QRICH1: variants seen among roughly 807,000 people sequenced by gnomAD.
QRICH1 encodes the protein glutamine rich 1.
QRICH1 carries 16 observed loss-of-function variants against 87.1 expected under a neutral mutation model. The ratio of observed to expected loss-of-function variants is 0.18; its 90% CI spans 0.12 to 0.28. QRICH1 has a LOEUF of 0.28. Among genes scored for constraint, QRICH1 ranks in the 10% least tolerant of loss-of-function variants. QRICH1 has a pLI of 1.00. For missense variants in QRICH1, 647 were observed against 951.7 expected (o/e 0.68, Z 4.21); for synonymous variants, 367 against 368.4 (o/e 1.00, Z 0.05).
chr3:49,041,735 A>G (rs989347818), intron 6 of QRICH1, among the ~76,000 whole-genome samples: 3 of 151,646 alleles, frequency 2.0e-5, no homozygotes, highest in Non-Finnish European at 4.4e-5. Flanking sequence ...GGTTCAAGCA[A>G]TTCTCCTGCC....
intron 2 of QRICH1, among the ~76,000 whole-genome samples, chr3:49,071,690 CTTCTT>C (rs1477376364): frequency 2.6e-5 from 4 of 152,138 alleles, no homozygotes; most frequent in South Asian, 4.1e-4. Flanking sequence ...GAAAATCAGA[CTTCTT>C]TTCTCTTTTT....
At chr3:49,038,856 G>A (rs1000225119) in intron 6 of QRICH1, among the ~76,000 whole-genome samples, 1 of 151,708 alleles carries the variant, frequency 6.6e-6, no homozygotes, top group Admixed American at 6.6e-5. Context: ...GTGAAACCTC[G>A]TCTCTACTAA....
rs183480321 is a variant in QRICH1, at chr3:49,087,858, T to G, written c.-22+6054A>C. On this transcript the variant is annotated intron_variant, in intron 1 of 9. Coordinates refer to ENST00000395443, the MANE Select transcript of QRICH1 (RefSeq NM_198880.3). ...AAAAAAAGAACAATGTCTTCTATGC[T>G]TCTTTGAAATAACTCCATATGTTTA... Among the ~76,000 whole-genome samples, 4 of 134,156 alleles carry G rather than the reference T, an allele frequency of 3.0e-5. No individual in the cohort carries two copies. The East Asian group carries it at 9.6e-4, about 32-fold the overall frequency. The allele number at this position is 134,156 out of a possible 152,430, so 88.0% of individuals were successfully genotyped here. A position where few individuals can be genotyped will look rare whatever the true frequency, so the allele number is the denominator to read the frequency against.
At chr3:49,072,560 A>C (rs764434521) in intron 2 of QRICH1, among the ~76,000 whole-genome samples, 1 of 152,088 alleles carries the variant, frequency 6.6e-6, no homozygotes, top group African/African-American at 2.4e-5. Context: ...CATATGCCAG[A>C]TACTTTATTA....
At chr3:49,049,031 A>G (rs2093354922) in intron 3 of QRICH1, among the ~76,000 whole-genome samples, 1 of 151,524 alleles carries the variant, frequency 6.6e-6, no homozygotes, top group Non-Finnish European at 1.5e-5. Context: ...CCTCCCGAGT[A>G]GCTAGGATTA....
chr3:49,063,848 A>G (rs1490997007), intron 2 of QRICH1, among the ~76,000 whole-genome samples: 1 of 152,230 alleles, frequency 6.6e-6, no homozygotes, highest in East Asian at 1.9e-4. Flanking sequence ...ACTTGTTTAC[A>G]TAGGTTATAT....
At chr3:49,047,896 C>T (rs2093347935) in intron 3 of QRICH1, among the ~76,000 whole-genome samples, 1 of 151,774 alleles carries the variant, frequency 6.6e-6, no homozygotes, top group African/African-American at 2.4e-5. Flanking sequence ...CACTGCACTC[C>T]AGCCTGGTGA....
chr3:49,030,398 A>G lies in QRICH1; in HGVS notation c.*54T>C, dbSNP rs1398354052. On this transcript the variant is annotated 3_prime_UTR_variant, in exon 10 of 10. Transcript: ENST00000395443. The stretch of plus-strand genomic sequence containing the variant: ...AAATGGAGGCCTCTTCTTTAGTGTG[A>G]AAGTCTGTCTGGTTTTTCCTGGCTG... The G allele has an allele frequency of 3.9e-6, 6 of 1,555,678 alleles. No homozygotes were observed. The highest frequency in any genetic ancestry group is 1.8e-6 in the Non-Finnish European group (2 of 1,139,242).
chr3:49,057,261 A>C lies in QRICH1; in HGVS notation c.939T>G (p.Val313=). The change falls in exon 3 of 10, where the codon GTT becomes GTG. Residue 313 remains valine (V), a synonymous_variant. Coordinates refer to ENST00000395443, the MANE Select transcript of QRICH1 (RefSeq NM_198880.3). This position sits in a 1 kb window ranked among gnomAD's most constrained non-coding sequence, Gnocchi z 5.4. ...GGTCCCCCCGGGGCTGGGCAGAATA[A>C]ACAGGGATGGTCCAGGTTTCTCCTG... The part of the protein sequence containing the change: ...SPTGETWTIP[V]YSAQPRGDPQ... 6.2e-7 allele frequency: 1 copy of C among 1,614,174 alleles called. No individual in the cohort carries two copies. Among genetic ancestry groups the C allele is most frequent in the Non-Finnish European group, 8.5e-7 (1 of 1,180,038 alleles).
chr3:49,092,301 A>G (rs2042291530), intron 1 of QRICH1: 1 of 152,084 alleles, frequency 6.6e-6, no homozygotes, highest in African/African-American at 2.4e-5. Context: ...TTTCTGGAAG[A>G]CAGCACCCAG....
At chr3:49,063,014 C>A in intron 2 of QRICH1, among the ~76,000 whole-genome samples, 1 of 151,194 alleles carries the variant, frequency 6.6e-6, no homozygotes, top group Admixed American at 6.6e-5. Context: ...AAAAAAAAGG[C>A]TCAGGTTTTG....
chr3:49,047,049 T>C lies in QRICH1; in HGVS notation c.1516+20A>G, dbSNP rs778831004. 3 of 1,599,460 alleles carry C rather than the reference T, an allele frequency of 1.9e-6. No individual in the cohort carries two copies. The highest frequency in any genetic ancestry group is 2.6e-6 in the Non-Finnish European group (3 of 1,169,736). ...CCATTGCATTTTAGACACAGCCCAC[T>C]CTTCTTCCAAGACACTCACTCCCAA... On this transcript the variant is annotated intron_variant, in intron 4 of 9. Transcript: ENST00000395443.
chr3:49,086,248 T>G (rs1278246457), intron 1 of QRICH1, among the ~76,000 whole-genome samples: 2 of 149,172 alleles, frequency 1.3e-5, no homozygotes, highest in Non-Finnish European at 3.0e-5. Context: ...TGTATCTCCC[T>G]CTTTTTCTTT....
At chr3:49,044,277 T>C in intron 6 of QRICH1, 113 bp downstream of exon 6, 1 of 812,420 alleles carries the variant, frequency 1.2e-6, no homozygotes, top group East Asian at 2.6e-5. Flanking sequence ...GCTGCTGCAG[T>C]CTGGGATTTA....
At chr3:49,054,101 TA>T in intron 3 of QRICH1, among the ~76,000 whole-genome samples, 1 of 152,282 alleles carries the variant, frequency 6.6e-6, no homozygotes, top group South Asian at 2.1e-4. Context: ...TAAATCACTC[TA>T]AGACTTTCCC....
At chr3:49,040,155 C>T (rs2093301725) in intron 6 of QRICH1, among the ~76,000 whole-genome samples, 1 of 152,220 alleles carries the variant, frequency 6.6e-6, no homozygotes, top group Non-Finnish European at 1.5e-5. Flanking sequence ...TTTGAAACTT[C>T]CATAATAACA....
At chr3:49,062,092 C>G (rs985174513) in intron 2 of QRICH1, among the ~76,000 whole-genome samples, 1 of 152,084 alleles carries the variant, frequency 6.6e-6, no homozygotes, top group Non-Finnish European at 1.5e-5. Context: ...AATCCCAGCA[C>G]TTTGGGAGGC....
At chr3:49,061,665 C>T (rs998660766) in intron 2 of QRICH1, among the ~76,000 whole-genome samples, 5 of 152,024 alleles carry the variant, frequency 3.3e-5, no homozygotes, top group South Asian at 2.1e-4. Flanking sequence ...CCAGCCTGAC[C>T]GACATGGTGA....
At chr3:49,075,158 C>CA (rs879670710) in intron 2 of QRICH1, among the ~76,000 whole-genome samples, 343 of 121,010 alleles carry the variant, frequency 2.8e-3, no homozygotes, top group Middle Eastern at 8.5e-3. Flanking sequence ...TATATCTCTA[C>CA]AAAAAAAAAA....
Sources: gnomAD v4.1 joint callset for allele counts (sites outside exome capture counted in the v4.1 genomes callset) on GRCh38, gnomAD v4.1.1 for gene constraint, Gnocchi (gnomAD v3.1) non-coding constraint, MANE v1.5 for transcripts, NCBI Gene and HGNC (gene_info 2026-07-23, HGNC 2026-07-21) for gene names.